The following VPS53 variants were observed in gnomAD, a reference collection of about 807,000 sequenced individuals.
The protein encoded by VPS53 is vacuolar protein sorting-associated protein 53 homolog.
VPS53 carries 70 observed loss-of-function variants against 107.0 expected under a neutral mutation model. That is an observed-to-expected ratio of 0.65 (90% CI 0.54 to 0.80). VPS53 has a LOEUF of 0.80. Among genes scored for constraint, VPS53 ranks in the 30% least tolerant of loss-of-function variants. The pLI is 0.00. For synonymous variants in VPS53, 409 were observed against 393.3 expected (o/e 1.04, Z -0.47); for missense variants, 917 against 1,049.4 (o/e 0.87, Z 1.74).
At position 562,753 on chromosome 17, in the gene VPS53, GAAAA is replaced by G. The variant is rs36070043; in HGVS notation, c.1314-12_1314-9del. The G allele has an allele frequency of 1.6e-3, 2,146 of 1,333,986 alleles. 23 individuals carry two copies. The highest frequency in any genetic ancestry group is 7.1e-3 in the African/African-American group (448 of 63,302). 82.6% of individuals were successfully genotyped at this position (1,333,986 alleles called of 1,614,324 possible). A position where few individuals can be genotyped will look rare whatever the true frequency, so the allele number is the denominator to read the frequency against. ...ATCAGCTCTCCGAGGTTCCTAGGAG[GAAAA>G]AAAAAAACCAAAAATGTTATTTTAC... On this transcript the variant is annotated splice_polypyrimidine_tract_variant and intron_variant, in intron 13 of 21. Coordinates refer to ENST00000437048, the MANE Select transcript of VPS53 (RefSeq NM_001128159.3).
At chr17:539,997 T>C (rs931799373) in intron 17 of VPS53, among the ~76,000 whole-genome samples, 1 of 151,874 alleles carries the variant, frequency 6.6e-6, no homozygotes, top group South Asian at 2.1e-4. Context: ...CCGGTCTATC[T>C]AAAGCCCAAC....
At chr17:673,116 AAAAAACAAAAAC>A (rs1329429660) in intron 4 of VPS53, among the ~76,000 whole-genome samples, 1 of 149,818 alleles carries the variant, frequency 6.7e-6, no homozygotes, top group East Asian at 1.9e-4. Flanking sequence ...CGTCGCAAAA[AAAAAACAAAAAC>A]AAAAACAAAA....
intron 2 of VPS53, chr17:705,509 G>C (rs1162283291): frequency 6.6e-6 from 1 of 152,284 alleles, no homozygotes; most frequent in Non-Finnish European, 1.5e-5. Flanking sequence ...GGCTGGGGCA[G>C]ATGGATCATG....
At chr17:603,916 A>C (rs1301891155) in intron 11 of VPS53, among the ~76,000 whole-genome samples, 2 of 152,222 alleles carry the variant, frequency 1.3e-5, no homozygotes, top group East Asian at 3.8e-4. Context: ...TAGACTCCTG[A>C]TTCCACTGGC....
chr17:556,008 G>C (rs1912312834), intron 15 of VPS53, among the ~76,000 whole-genome samples: 1 of 152,200 alleles, frequency 6.6e-6, no homozygotes, highest in Non-Finnish European at 1.5e-5. Flanking sequence ...GCTGGACCCA[G>C]TGGCTCACCC....
At chr17:665,630 T>G (rs1343919300) in intron 4 of VPS53, among the ~76,000 whole-genome samples, 1 of 152,126 alleles carries the variant, frequency 6.6e-6, no homozygotes, top group African/African-American at 2.4e-5. Context: ...TGCTAAGGGC[T>G]CAGAAGAAAA....
chr17:566,729 G>GT (rs199818178), intron 13 of VPS53, among the ~76,000 whole-genome samples: 2,097 of 149,856 alleles, frequency 0.014, 39 homozygotes, highest in East Asian at 0.056. Context: ...TGTTTTTTTT[G>GT]TTTTTTTTTG....
chr17:643,458 T>C (rs1396299848), intron 7 of VPS53, among the ~76,000 whole-genome samples: 2 of 150,010 alleles, frequency 1.3e-5, no homozygotes, highest in Non-Finnish European at 3.0e-5. Context: ...ACAACACTCA[T>C]ACTTGGAAAT....
Position 515,793 on chromosome 17 carries a change from C to T in VPS53, c.*3335G>A, listed in dbSNP as rs1238126969. On this transcript the variant is annotated 3_prime_UTR_variant, in exon 22 of 22. Transcript: ENST00000437048. ...CCAATCCTGGGCATGGTCCCCACCACCACCAAAAGTCTTTTTTTTTTAACT... is the reference window on the plus strand; with the variant it reads ...CCAATCCTGGGCATGGTCCCCACCATCACCAAAAGTCTTTTTTTTTTAACT... 6.7e-6 allele frequency: 1 copy of T among 150,338 alleles called. No homozygotes were observed. Among genetic ancestry groups the T allele is most frequent in the East Asian group, 1.9e-4 (1 of 5,142 alleles). The allele number at this position is 150,338 out of a possible 1,614,324, so 9.3% of individuals were successfully genotyped here.
intron 12 of VPS53, among the ~76,000 whole-genome samples, chr17:595,586 G>C (rs71355279): frequency 0.028 from 671 of 23,876 alleles, 13 homozygotes; most frequent in Non-Finnish European, 0.045. Context: ...TCAATTTCCT[G>C]GTTTGATGAT....
At chr17:642,508 G>T (rs529660403) in intron 7 of VPS53, among the ~76,000 whole-genome samples, 129 of 150,966 alleles carry the variant, frequency 8.5e-4, no homozygotes, top group African/African-American at 3.1e-3. Flanking sequence ...CTTGGAAAGC[G>T]AGGACAACAC....
intron 17 of VPS53, among the ~76,000 whole-genome samples, chr17:550,945 C>G (rs192091670): frequency 2.0e-5 from 3 of 152,154 alleles, no homozygotes; most frequent in Non-Finnish European, 2.9e-5. Flanking sequence ...GGAAAAACCT[C>G]TCAGTGGGCA....
In VPS53 at chr17:685,584, A is replaced by G. The variant is rs546576962; in HGVS notation, c.285+11834T>C. Reference sequence around the variant, plus strand: ...AATTTAAGGCACGGTAGGCTAAGCTATGATGTTCAGTAAATTACATGTATT... The same window carrying G: ...AATTTAAGGCACGGTAGGCTAAGCTGTGATGTTCAGTAAATTACATGTATT... On this transcript the variant is annotated intron_variant, in intron 4 of 21. Transcript: ENST00000437048. Among the ~76,000 whole-genome samples, 7 of 152,338 alleles carry G rather than the reference A, an allele frequency of 4.6e-5. No homozygotes were observed. In the South Asian group the frequency reaches 1.2e-3, roughly 27 times the overall value.
At chr17:551,592 C>G (rs1004117744) in intron 17 of VPS53, 1 of 187,484 alleles carries the variant, frequency 5.3e-6, no homozygotes, top group African/African-American at 2.3e-5. Flanking sequence ...AAACCACAGA[C>G]AACATCTCCT....
At chr17:647,343 G>C (rs550314179) in intron 7 of VPS53, among the ~76,000 whole-genome samples, 2 of 152,308 alleles carry the variant, frequency 1.3e-5, no homozygotes, top group Non-Finnish European at 1.5e-5. Flanking sequence ...ATACAAAAAT[G>C]GTGAACTCTT....
intron 11 of VPS53, among the ~76,000 whole-genome samples, chr17:606,999 G>C (rs1024979460): frequency 6.6e-6 from 1 of 151,846 alleles, no homozygotes; most frequent in Non-Finnish European, 1.5e-5. Context: ...TGAAACTAAT[G>C]ATGCATTTCT....
At chr17:644,360 C>T (rs1218780847) in intron 7 of VPS53, among the ~76,000 whole-genome samples, 1 of 152,192 alleles carries the variant, frequency 6.6e-6, no homozygotes, top group African/African-American at 2.4e-5. Context: ...AGGGTGGTAA[C>T]CCGCCTGCCA....
At chr17:714,550 C>T (rs965950065) in intron 1 of VPS53, 73 bp downstream of exon 1, 2 of 1,433,612 alleles carry the variant, frequency 1.4e-6, no homozygotes, top group Non-Finnish European at 1.9e-6. Context: ...CCCGCCGCGG[C>T]CTCCCCAGCG....
At chr17:594,357 G>A (rs575250858) in intron 12 of VPS53, among the ~76,000 whole-genome samples, 12 of 152,342 alleles carry the variant, frequency 7.9e-5, no homozygotes, top group South Asian at 4.1e-4. Context: ...TGTCAACACC[G>A]CATGGGCTGG....
Sources: gnomAD v4.1 joint callset for allele counts (sites outside exome capture counted in the v4.1 genomes callset) on GRCh38, gnomAD v4.1.1 for gene constraint, MANE v1.5 for transcripts, NCBI Gene and HGNC (gene_info 2026-07-23, HGNC 2026-07-21) for gene names.